The following SENP7 variants were observed in gnomAD, a reference collection of about 807,000 sequenced individuals.
The protein encoded by SENP7 is sentrin-specific protease 7.
In SENP7, 64 loss-of-function variants were observed where a neutral mutation model predicts 141.2. The observed-to-expected ratio is 0.45, with a 90% CI of 0.37 to 0.56. The LOEUF is 0.56. SENP7 is among the 20% of genes least tolerant of loss of function. The pLI is 0.00. For missense variants in SENP7, 1,025 were observed against 1,212.2 expected (o/e 0.85, Z 2.29); for synonymous variants, 382 against 426.4 (o/e 0.90, Z 1.28).
intron 6 of SENP7, among the ~76,000 whole-genome samples, chr3:101,372,919 C>G (rs1244342298): frequency 6.6e-6 from 1 of 151,828 alleles, no homozygotes; most frequent in African/African-American, 2.4e-5. Context: ...ATATTATTCT[C>G]TATACTTATG....
At chr3:101,352,653 TA>T (rs1477065597) in intron 11 of SENP7, among the ~76,000 whole-genome samples, 1 of 152,066 alleles carries the variant, frequency 6.6e-6, no homozygotes, top group Non-Finnish European at 1.5e-5. Flanking sequence ...AATTTGTACC[TA>T]TTTATTTATT....
At chr3:101,328,597 A>C in intron 21 of SENP7, 49 bp downstream of exon 21, 4 of 1,591,948 alleles carry the variant, frequency 2.5e-6, no homozygotes, top group Non-Finnish European at 3.4e-6. Flanking sequence ...TATACAAAGT[A>C]TATCTAAATA....
At chr3:101,345,678 T>C (rs2059437583) in intron 13 of SENP7, among the ~76,000 whole-genome samples, 1 of 152,150 alleles carries the variant, frequency 6.6e-6, no homozygotes, top group African/African-American at 2.4e-5. Flanking sequence ...AAAGGACACC[T>C]TATTCAACAA....
At chr3:101,453,556 G>T (rs2063231705) in intron 4 of SENP7, among the ~76,000 whole-genome samples, 1 of 152,182 alleles carries the variant, frequency 6.6e-6, no homozygotes, top group Admixed American at 6.5e-5. Flanking sequence ...ATGAGTTCAT[G>T]TCCTTTGTAG....
intron 3 of SENP7, among the ~76,000 whole-genome samples, chr3:101,472,006 A>C (rs1294757914): frequency 6.6e-6 from 1 of 152,216 alleles, no homozygotes; most frequent in Non-Finnish European, 1.5e-5. Context: ...CAAACAACAG[A>C]TGCTGGAGAG....
chr3:101,477,066 GAT>G (rs1178840685), intron 3 of SENP7, among the ~76,000 whole-genome samples: 6 of 152,132 alleles, frequency 3.9e-5, no homozygotes, highest in Non-Finnish European at 4.4e-5. Context: ...TCACTCTGAT[GAT>G]AGTTTCTTTT....
chr3:101,437,927 A>G (rs909097540), intron 4 of SENP7, among the ~76,000 whole-genome samples: 2 of 144,056 alleles, frequency 1.4e-5, no homozygotes, highest in Non-Finnish European at 3.1e-5. Context: ...CTACAAATTT[A>G]AAAAAAAAAA....
chr3:101,349,633 A>G (rs1313949814), intron 12 of SENP7, among the ~76,000 whole-genome samples: 1 of 152,166 alleles, frequency 6.6e-6, no homozygotes, highest in Non-Finnish European at 1.5e-5. Context: ...ATGTATACAT[A>G]TGTAACAGAC....
intron 19 of SENP7, 132 bp downstream of exon 19, chr3:101,331,853 T>A (rs1186351302): frequency 3.4e-6 from 3 of 886,674 alleles, no homozygotes; most frequent in Non-Finnish European, 5.0e-6. Flanking sequence ...AATTTCAGAT[T>A]TTTTATTCAT....
At chr3:101,470,774 C>T (rs759083188) in intron 3 of SENP7, among the ~76,000 whole-genome samples, 12 of 152,154 alleles carry the variant, frequency 7.9e-5, no homozygotes, top group Admixed American at 1.3e-4. Flanking sequence ...CCCAAAATCT[C>T]CTTAAGCTGA....
chr3:101,462,782 C>T (rs762620512), intron 3 of SENP7, among the ~76,000 whole-genome samples: 8 of 151,794 alleles, frequency 5.3e-5, no homozygotes, highest in Non-Finnish European at 7.4e-5. Context: ...GCATGAGAAT[C>T]GCTGGAACCC....
At chr3:101,424,303 C>A (rs887429242) in intron 4 of SENP7, among the ~76,000 whole-genome samples, 1 of 151,730 alleles carries the variant, frequency 6.6e-6, no homozygotes, top group Non-Finnish European at 1.5e-5. Flanking sequence ...CCCCTTGGCC[C>A]ATGGCAACCC....
intron 4 of SENP7, among the ~76,000 whole-genome samples, chr3:101,428,883 A>G (rs965076749): frequency 1.4e-4 from 21 of 152,126 alleles, no homozygotes; most frequent in Admixed American, 5.2e-4. Context: ...GGTCTAAGGA[A>G]GGAGTCATTT....
chr3:101,407,319 C>A (rs2061333946), intron 5 of SENP7, among the ~76,000 whole-genome samples: 1 of 152,082 alleles, frequency 6.6e-6, no homozygotes, highest in South Asian at 2.1e-4. Context: ...ATGAGATAGA[C>A]AGCAACACAG....
chr3:101,386,141 C>T (rs1309387435), intron 6 of SENP7, among the ~76,000 whole-genome samples: 1 of 152,156 alleles, frequency 6.6e-6, no homozygotes, highest in African/African-American at 2.4e-5. Context: ...AGATAACCAC[C>T]TATCAAATAG....
intron 3 of SENP7, 35 bp from the exon 4 acceptor site, chr3:101,459,087 A>G (rs760353632): frequency 8.9e-6 from 11 of 1,229,384 alleles, no homozygotes; most frequent in South Asian, 4.0e-5. Flanking sequence ...AATAATAAAC[A>G]TATCAATATG....
At chr3:101,327,421 A>G (rs2058932038) in intron 23 of SENP7, among the ~76,000 whole-genome samples, 1 of 151,994 alleles carries the variant, frequency 6.6e-6, no homozygotes, top group South Asian at 2.1e-4. Context: ...CTCAGCTCTC[A>G]TTCTTCTCCT....
intron 3 of SENP7, among the ~76,000 whole-genome samples, chr3:101,463,380 T>TATATATACATATATATAC (rs1553744726): frequency 1.4e-5 from 1 of 72,142 alleles, no homozygotes; most frequent in Non-Finnish European, 2.6e-5. Flanking sequence ...TATATATATA[T>TATATATACATATATATAC]ATATATATAT....
At chr3:101,461,584 G>A (rs2063548444) in intron 3 of SENP7, among the ~76,000 whole-genome samples, 1 of 150,910 alleles carries the variant, frequency 6.6e-6, no homozygotes, top group African/African-American at 2.4e-5. Flanking sequence ...AATGGTACAG[G>A]TACCGTAAGA....
Sources: allele counts gnomAD v4.1 joint callset (sites outside exome capture counted in the v4.1 genomes callset), GRCh38; gene constraint gnomAD v4.1.1; transcripts MANE v1.5; gene names NCBI Gene and HGNC (gene_info 2026-07-23, HGNC 2026-07-21).